Variants in RFX3 observed in about 807,000 individuals in gnomAD.
RFX3 encodes regulatory factor X3.
In RFX3, 14 loss-of-function variants were observed where a neutral mutation model predicts 98.6. The ratio of observed to expected loss-of-function variants is 0.14; its 90% CI spans 0.09 to 0.22. The LOEUF is 0.22. RFX3 is among the 10% of genes least tolerant of loss of function. The pLI is 1.00. For missense variants in RFX3, 639 were observed against 926.9 expected (o/e 0.69, Z 4.03); for synonymous variants, 383 against 328.4 (o/e 1.17, Z -1.80).
At chr9:3,310,601 A>G (rs1376878055) in intron 4 of RFX3, among the ~76,000 whole-genome samples, 1 of 152,212 alleles carries the variant, frequency 6.6e-6, no homozygotes, top group African/African-American at 2.4e-5. Context: ...AAGGGTTTCT[A>G]TATTAATTCT....
intron 2 of RFX3, among the ~76,000 whole-genome samples, chr9:3,360,439 T>C (rs914012073): frequency 2.6e-5 from 4 of 152,096 alleles, no homozygotes; most frequent in African/African-American, 7.2e-5. Context: ...GGTTACCTAG[T>C]ACACATCAGT....
intron 6 of RFX3, among the ~76,000 whole-genome samples, chr9:3,292,488 C>T (rs948848493): frequency 1.2e-4 from 19 of 152,150 alleles, no homozygotes; most frequent in Admixed American, 1.2e-3. Context: ...AAAGTAGGGG[C>T]TAATAAGAGG....
At chr9:3,230,769 T>C (rs1818347782) in intron 15 of RFX3, among the ~76,000 whole-genome samples, 2 of 152,204 alleles carry the variant, frequency 1.3e-5, no homozygotes, top group Non-Finnish European at 2.9e-5. Flanking sequence ...TTTATACTGA[T>C]AAAAAGTGAG....
intron 1 of RFX3, chr9:3,488,876 T>A (rs1315525855): frequency 1.0e-6 from 1 of 984,796 alleles, no homozygotes; most frequent in Non-Finnish European, 1.2e-6. Flanking sequence ...CCAAAGAAAC[T>A]AGAGTATCCT....
Position 3,425,380 on chromosome 9 carries a change from TC to T in RFX3, c.-8-29785del, listed in dbSNP as rs553943710. 1.5e-4 allele frequency among the ~76,000 whole-genome samples: 23 copies of T among 152,354 alleles called. No homozygotes were observed. In the South Asian group the frequency reaches 4.3e-3, roughly 29 times the overall value. On this transcript the variant is annotated intron_variant, in intron 1 of 16. Transcript: ENST00000617270. ...TATATATCTGTATGGTCATGTATTT[TC>T]TCCAATGAGCCTGCATTACTTTTAT...
intron 1 of RFX3, among the ~76,000 whole-genome samples, chr9:3,454,297 G>A (rs771957709): frequency 6.6e-6 from 1 of 152,090 alleles, no homozygotes; most frequent in Non-Finnish European, 1.5e-5. Context: ...GGCAACACTC[G>A]AGAGAAGAAA....
At chr9:3,254,963 G>A (rs1456567064) in intron 14 of RFX3, among the ~76,000 whole-genome samples, 2 of 152,142 alleles carry the variant, frequency 1.3e-5, no homozygotes, top group Non-Finnish European at 2.9e-5. Flanking sequence ...GGCTAAAGGT[G>A]TTAAATATAT....
intron 11 of RFX3, among the ~76,000 whole-genome samples, chr9:3,268,092 T>C (rs1823887925): frequency 6.6e-6 from 1 of 151,944 alleles, no homozygotes; most frequent in African/African-American, 2.4e-5. Context: ...CCACCTCTGG[T>C]TATACTTCCA....
chr9:3,324,548 A>C (rs1831678366), intron 4 of RFX3, among the ~76,000 whole-genome samples: 1 of 151,780 alleles, frequency 6.6e-6, no homozygotes, highest in Non-Finnish European at 1.5e-5. Context: ...TTGTTAGGTG[A>C]AAAAAAGCAA....
chr9:3,351,779 A>G (rs1356651821), intron 2 of RFX3, among the ~76,000 whole-genome samples: 1 of 151,932 alleles, frequency 6.6e-6, no homozygotes, highest in Non-Finnish European at 1.5e-5. Context: ...AGAACTATAA[A>G]AATTACCAAA....
At chr9:3,512,235 CAAAGT>C in intron 1 of RFX3, among the ~76,000 whole-genome samples, 1 of 151,924 alleles carries the variant, frequency 6.6e-6, no homozygotes, top group South Asian at 2.1e-4. Context: ...CAAAGCAACA[CAAAGT>C]AAAGAATGAT....
At chr9:3,437,787 C>T (rs1437061294) in intron 1 of RFX3, among the ~76,000 whole-genome samples, 1 of 152,004 alleles carries the variant, frequency 6.6e-6, no homozygotes, top group Non-Finnish European at 1.5e-5. Flanking sequence ...GATGCGCTTA[C>T]CTGCAGAAAC....
intron 2 of RFX3, among the ~76,000 whole-genome samples, chr9:3,395,142 A>T (rs1468424359): frequency 6.6e-6 from 1 of 152,248 alleles, no homozygotes; most frequent in East Asian, 1.9e-4. Context: ...AAAGAAATAG[A>T]AAGTTGTGAT....
At chr9:3,242,202 G>A (rs1376408845) in intron 15 of RFX3, among the ~76,000 whole-genome samples, 1 of 151,972 alleles carries the variant, frequency 6.6e-6, no homozygotes, top group African/African-American at 2.4e-5. Flanking sequence ...GGTGAAATAG[G>A]GATACTGAGA....
intron 1 of RFX3, among the ~76,000 whole-genome samples, chr9:3,454,488 CACTT>C (rs1846971546): frequency 6.6e-6 from 1 of 152,124 alleles, no homozygotes; most frequent in South Asian, 2.1e-4. Context: ...GTGTAAAACT[CACTT>C]AAAATCACAT....
At chr9:3,467,260 A>G (rs1848381778) in intron 1 of RFX3, among the ~76,000 whole-genome samples, 1 of 145,578 alleles carries the variant, frequency 6.9e-6, no homozygotes, top group Non-Finnish European at 1.5e-5. Flanking sequence ...ATATACATAT[A>G]TATGTACATA....
intron 7 of RFX3, among the ~76,000 whole-genome samples, chr9:3,284,881 A>C (rs554576476): frequency 9.9e-5 from 15 of 151,584 alleles, no homozygotes; most frequent in Non-Finnish European, 2.2e-4. Flanking sequence ...GTTTACATTT[A>C]TTTTCCGACT....
chr9:3,484,825 T>C lies in RFX3; in HGVS notation c.-9+40922A>G, dbSNP rs573079218. Among the ~76,000 whole-genome samples the C allele has an allele frequency of 6.3e-3, 955 of 152,216 alleles. 6 individuals are homozygous for C. Among genetic ancestry groups the C allele is most frequent in the Non-Finnish European group, 0.011 (754 of 68,022 alleles). On this transcript the variant is annotated intron_variant, in intron 1 of 16. Coordinates refer to ENST00000617270, the MANE Select transcript of RFX3 (RefSeq NM_001282116.2). Reference sequence around the variant, plus strand: ...AAAGGCTGGGTGCAGTGGCTCAACCTGTAATCCTAACCCTTTGGGAGGCCA... The same window carrying C: ...AAAGGCTGGGTGCAGTGGCTCAACCCGTAATCCTAACCCTTTGGGAGGCCA...
chr9:3,289,030 C>CA (rs1469931217), intron 6 of RFX3, among the ~76,000 whole-genome samples: 1 of 151,998 alleles, frequency 6.6e-6, no homozygotes, highest in African/African-American at 2.4e-5. Flanking sequence ...TTAGAAATGA[C>CA]AAAGTTTTGC....
Sources: gnomAD v4.1 joint callset for allele counts (sites outside exome capture counted in the v4.1 genomes callset) on GRCh38, gnomAD v4.1.1 for gene constraint, MANE v1.5 for transcripts, NCBI Gene and HGNC (gene_info 2026-07-23, HGNC 2026-07-21) for gene names.